PMPCB: variants seen among roughly 807,000 people sequenced by gnomAD.
PMPCB encodes peptidase, mitochondrial processing subunit beta.
PMPCB carries 46 observed loss-of-function variants against 61.5 expected under a neutral mutation model. The ratio of observed to expected loss-of-function variants is 0.75; its 90% CI spans 0.59 to 0.96. The LOEUF is 0.96. PMPCB is among the 40% of genes least tolerant of loss of function. PMPCB has a pLI of 0.00. For missense variants in PMPCB, 590 were observed against 602.4 expected (o/e 0.98, Z 0.22); for synonymous variants, 191 against 201.6 (o/e 0.95, Z 0.44).
At chr7:103,343,867 G>A in the PMPCB span, among the ~76,000 whole-genome samples, 57 of 152,166 alleles carry the variant, frequency 3.7e-4, no homozygotes, top group Non-Finnish European at 7.8e-4. Context: ...TGCAACACGT[G>A]CCATGGGTTA....
At chr7:103,308,610 CTCTGTCTCAAAAAAA>C (rs1817654491) in intron 7 of PMPCB, among the ~76,000 whole-genome samples, 1 of 152,016 alleles carries the variant, frequency 6.6e-6, no homozygotes, top group Non-Finnish European at 1.5e-5. Flanking sequence ...CAGAGTGAGA[CTCTGTCTCAAAAAAA>C]AAGAAAGAAA....
chr7:103,315,922 A>T (rs1179891849), downstream of PMPCB: 1 of 1,548,722 alleles, frequency 6.5e-7, no homozygotes, highest in East Asian at 2.3e-5. Context: ...TTAATCTTTC[A>T]TTAAATTGCA....
rs773124804 is a variant in PMPCB at position 103,297,704 on chromosome 7, T to A, written c.99+146T>A. The A allele has an allele frequency of 2.7e-5, 41 of 1,535,826 alleles. No individual in the cohort carries two copies. In the Admixed American group the frequency reaches 8.1e-4, roughly 30 times the overall value. ...CGCCGGGCGCCAGGCGGCCTGGGGC[T>A]GCTGAACTGGCCGGGGGTGACTGGC... On this transcript the variant is annotated intron_variant, in intron 1 of 12. Coordinates refer to ENST00000249269, the MANE Select transcript of PMPCB (RefSeq NM_004279.3).
In PMPCB at chr7:103,320,758, TACAC is replaced by T. The variant is rs1210199992; in HGVS notation, c.*1432-8171_*1432-8168del. The T allele has an allele frequency of 5.4e-3, 525 of 96,982 alleles. 4 individuals carry two copies. The highest frequency in any genetic ancestry group is 0.026 in the African/African-American group (515 of 19,894). The allele number at this position is 96,982 out of a possible 1,614,324, so 6.0% of individuals were successfully genotyped here. ...GACTCTGTCACAAAATATATATATA[TACAC>T]ATATATATATATATATATATATTCT... On this transcript the variant is annotated intron_variant and NMD_transcript_variant, in intron 12 of 12. Transcript: ENST00000444457.
At chr7:103,330,725 C>T (rs898523355), downstream of PMPCB, among the ~76,000 whole-genome samples, 1 of 151,234 alleles carries the variant, frequency 6.6e-6, no homozygotes, top group Admixed American at 6.6e-5. Flanking sequence ...GCTGGGATTA[C>T]AGGTGTGAGC....
chr7:103,337,928 A>G, the PMPCB span: 1 of 719,950 alleles, frequency 1.4e-6, no homozygotes, highest in South Asian at 1.7e-5. Flanking sequence ...GGAGTCCAGT[A>G]AGAGGTTCTG....
At chr7:103,329,020 CT>C in exon 13 of PMPCB, 1 of 1,266,932 alleles carries the variant, frequency 7.9e-7, no homozygotes, top group Non-Finnish European at 1.0e-6. Context: ...CGTGAACATC[CT>C]TTTACCACAG....
In PMPCB at chr7:103,312,989, C is replaced by T. The variant is rs772238229; in HGVS notation, c.*718C>T. On this transcript the variant is annotated 3_prime_UTR_variant, in exon 13 of 13. Transcript: ENST00000249269. ...AGTCCTTCTTTGTCCTGCCAGGCAC[C>T]GCTTCTGCTATTTTTTCCCATCTTT... The T allele has an allele frequency of 1.1e-5, 18 of 1,613,888 alleles. No homozygotes were observed. The highest frequency in any genetic ancestry group is 1.4e-5 in the Non-Finnish European group (16 of 1,179,942).
At position 103,299,490 on chromosome 7, in the gene PMPCB, C is replaced by A. The variant is rs369219886; in HGVS notation, c.288C>A (p.Asn96Lys). 1.2e-6 allele frequency: 2 copies of A among 1,612,802 alleles called. No individual in the cohort carries two copies. Among genetic ancestry groups the A allele is most frequent in the Non-Finnish European group, 1.7e-6 (2 of 1,179,124 alleles). The change falls in exon 3 of 13, where the codon AAC becomes AAA. Residue 96 changes from asparagine to lysine, a missense_variant. Physicochemically the swap from Asn to Lys is moderately conservative, Grantham distance 94. Coordinates refer to ENST00000249269, the MANE Select transcript of PMPCB (RefSeq NM_004279.3). ...GAAGTAGATACGAAAATGAGAAGAA[C>A]AATGGAACAGCACACTTTCTGGAGC... ...DAGSRYENEK[N>K]NGTAHFLEHM... is the part of the protein sequence containing the mutation.
At chr7:103,342,621 T>G in the PMPCB span, among the ~76,000 whole-genome samples, 1 of 150,954 alleles carries the variant, frequency 6.6e-6, no homozygotes, top group Non-Finnish European at 1.5e-5. Context: ...TTTTTTTTTT[T>G]TTTTTGGGAC....
At position 103,312,989 on chromosome 7, in the gene PMPCB, C is replaced by G; in HGVS notation, c.*718C>G. On this transcript the variant is annotated 3_prime_UTR_variant, in exon 13 of 13. Coordinates refer to ENST00000249269, the MANE Select transcript of PMPCB (RefSeq NM_004279.3). The stretch of plus-strand genomic sequence containing the variant: ...AGTCCTTCTTTGTCCTGCCAGGCAC[C>G]GCTTCTGCTATTTTTTCCCATCTTT... The G allele has an allele frequency of 6.2e-7, 1 of 1,614,006 alleles. No individual in the cohort carries two copies. The highest frequency in any genetic ancestry group is 2.2e-5 in the East Asian group (1 of 44,862).
intron 9 of PMPCB, chr7:103,311,420 T>G: frequency 1.8e-6 from 1 of 552,892 alleles, no homozygotes; most frequent in Non-Finnish European, 3.2e-6. Flanking sequence ...GATCAGCCCA[T>G]TTGTATAAAG....
chr7:103,333,626 A>G (rs552048686), downstream of PMPCB, among the ~76,000 whole-genome samples: 39 of 152,332 alleles, frequency 2.6e-4, no homozygotes, highest in Admixed American at 1.6e-3. Flanking sequence ...CGTTTCCATC[A>G]TCCAAAAAGT....
chr7:103,343,994 TAAA>T, the PMPCB span, among the ~76,000 whole-genome samples: 1 of 152,204 alleles, frequency 6.6e-6, no homozygotes, highest in Non-Finnish European at 1.5e-5. Context: ...GCCATAAAAC[TAAA>T]ACCTACAGCA....
the PMPCB span, among the ~76,000 whole-genome samples, chr7:103,341,463 G>C: frequency 1.3e-5 from 2 of 152,136 alleles, no homozygotes; most frequent in African/African-American, 4.8e-5. Context: ...TTGTGTCTTT[G>C]TATATCTTAC....
At chr7:103,302,104 T>A (rs532251078) in intron 4 of PMPCB, among the ~76,000 whole-genome samples, 4 of 152,332 alleles carry the variant, frequency 2.6e-5, no homozygotes, top group African/African-American at 9.6e-5. Context: ...TCCAGCTTCA[T>A]CCATGTCCCT....
chr7:103,321,773 C>A (rs898530202), intron 12 of PMPCB, among the ~76,000 whole-genome samples: 1 of 151,982 alleles, frequency 6.6e-6, no homozygotes, highest in Non-Finnish European at 1.5e-5. Context: ...CGCTCGAACC[C>A]GGAGGCGGAA....
At chr7:103,317,177 T>A (rs1348645218), downstream of PMPCB, 4 of 634,344 alleles carry the variant, frequency 6.3e-6, no homozygotes, top group Admixed American at 1.2e-4. Flanking sequence ...CTTTTCACTC[T>A]GGCTTCCAGT....
At position 103,313,765 on chromosome 7, in the gene PMPCB, A is replaced by ATG. The variant is rs1378972935; in HGVS notation, c.*1500_*1501dup. ...TTGTATATTTCAGAAAACATCTAAGATGTGTGTCAGAAACAAATATGTTTC... is the reference window on the plus strand; with the variant it reads ...TTGTATATTTCAGAAAACATCTAAGATGTGTGTGTCAGAAACAAATATGTTTC... On this transcript the variant is annotated 3_prime_UTR_variant, in exon 13 of 13. Coordinates refer to ENST00000249269, the MANE Select transcript of PMPCB (RefSeq NM_004279.3). The ATG allele has an allele frequency of 1.0e-6, 1 of 985,064 alleles. No homozygotes were observed. Among genetic ancestry groups the ATG allele is most frequent in the East Asian group, 1.1e-4 (1 of 8,828 alleles). 61.0% of individuals were successfully genotyped at this position (985,064 alleles called of 1,614,324 possible).
Sources: allele counts gnomAD v4.1 joint callset (sites outside exome capture counted in the v4.1 genomes callset), GRCh38; gene constraint gnomAD v4.1.1; transcripts MANE v1.5; gene names NCBI Gene and HGNC (gene_info 2026-07-23, HGNC 2026-07-21).